CAMTA1: variants seen among roughly 807,000 people sequenced by gnomAD.
CAMTA1 encodes the protein calmodulin binding transcription activator 1.
A neutral mutation model predicts 170.9 loss-of-function variants in CAMTA1; 27 were observed. The observed-to-expected ratio is 0.16, with a 90% CI of 0.12 to 0.22. The LOEUF is 0.22. Ranked by LOEUF, CAMTA1 falls within the 10% of genes least tolerant of loss-of-function variation. The pLI, the probability that CAMTA1 is intolerant of heterozygous loss-of-function variation, is 1.00. For synonymous variants in CAMTA1, 833 were observed against 891.5 expected, an observed-to-expected ratio of 0.93 and a Z score of 1.17; for missense variants, 1,619 against 2,217.2, an observed-to-expected ratio of 0.73 and a Z score of 5.42.
intron 16 of CAMTA1, among the ~76,000 whole-genome samples, chr1:7,743,837 T>C (rs971919714): frequency 3.3e-5 from 5 of 151,578 alleles, no homozygotes; most frequent in Non-Finnish European, 5.9e-5. Flanking sequence ...CTTTTCTTTT[T>C]TTTTTCTGAG....
chr1:7,128,641 G>A (rs1249961163), intron 4 of CAMTA1, among the ~76,000 whole-genome samples: 1 of 151,796 alleles, frequency 6.6e-6, no homozygotes, highest in Non-Finnish European at 1.5e-5. Flanking sequence ...GCCCTACAAA[G>A]TAGAAAGGAT....
Position 6,852,362 on chromosome 1 carries a change from A to G in CAMTA1, c.234+27152A>G, listed in dbSNP as rs140427008. On this transcript the variant is annotated intron_variant, in intron 3 of 22. Coordinates refer to ENST00000303635, the MANE Select transcript of CAMTA1 (RefSeq NM_015215.4). ...CTCCAGTTCTCTGTGGACTCCGGGT[A>G]TTCTGCAATTTAACTCAATTTGGAT... 6.6e-3 allele frequency among the ~76,000 whole-genome samples: 1,001 copies of G among 152,300 alleles called. 6 individuals carry two copies. The highest frequency in any genetic ancestry group is 0.01 in the Non-Finnish European group (685 of 68,024).
intron 6 of CAMTA1, among the ~76,000 whole-genome samples, chr1:7,639,364 C>T (rs538854164): frequency 3.3e-5 from 5 of 152,282 alleles, no homozygotes; most frequent in Admixed American, 6.5e-5. Flanking sequence ...TGGGAAACTC[C>T]GCCCCAGAAA....
At chr1:7,276,652 A>G (rs1670775740) in intron 5 of CAMTA1, among the ~76,000 whole-genome samples, 1 of 151,992 alleles carries the variant, frequency 6.6e-6, no homozygotes, top group Non-Finnish European at 1.5e-5. Flanking sequence ...TCCTTCTAAG[A>G]CTGGGAAATC....
At chr1:7,349,190 G>A (rs1400213211) in intron 5 of CAMTA1, among the ~76,000 whole-genome samples, 1 of 152,174 alleles carries the variant, frequency 6.6e-6, no homozygotes, top group East Asian at 1.9e-4. Flanking sequence ...ATTAGATGAA[G>A]CATCATTTCA....
rs538074829 is a variant in CAMTA1, at chr1:7,585,747, G to C, written c.511-54653G>C. Among the ~76,000 whole-genome samples, 1 of 150,914 alleles carries C rather than the reference G, an allele frequency of 6.6e-6. No homozygotes were observed. Among genetic ancestry groups the C allele is most frequent in the South Asian group, 2.1e-4 (1 of 4,820 alleles). ...GGTGCCCAGTTCATACATCCTAGAGGGGGGCTCTCTTGTGGACAGACAGGC... is the reference window on the plus strand; with the variant it reads ...GGTGCCCAGTTCATACATCCTAGAGCGGGGCTCTCTTGTGGACAGACAGGC... On this transcript the variant is annotated intron_variant, in intron 6 of 22. Transcript: ENST00000303635. The surrounding 1 kb of genome is among the most constrained non-coding windows in gnomAD (Gnocchi z 4.8).
intron 6 of CAMTA1, among the ~76,000 whole-genome samples, chr1:7,507,141 C>T (rs2094129708): frequency 6.7e-6 from 1 of 148,714 alleles, no homozygotes; most frequent in Non-Finnish European, 1.5e-5. Context: ...CACACACTCA[C>T]ACTCACTCCC....
intron 3 of CAMTA1, among the ~76,000 whole-genome samples, chr1:7,070,273 T>C (rs1210475441): frequency 2.0e-5 from 3 of 152,204 alleles, no homozygotes; most frequent in African/African-American, 7.2e-5. Flanking sequence ...GAGGCGTGGA[T>C]ATTGTACTGC....
At chr1:6,795,081 G>C (rs573401616) in intron 1 of CAMTA1, among the ~76,000 whole-genome samples, 1 of 152,112 alleles carries the variant, frequency 6.6e-6, no homozygotes, top group Non-Finnish European at 1.5e-5. Context: ...AAGTTATGCC[G>C]TGTGGTGGGA....
intron 6 of CAMTA1, among the ~76,000 whole-genome samples, chr1:7,493,281 A>ATG (rs543672668): frequency 0.029 from 1,190 of 40,658 alleles, 31 homozygotes; most frequent in African/African-American, 0.16. Context: ...ACAAACATAC[A>ATG]CGCGCACAAA....
In CAMTA1 at chr1:6,903,895, T is replaced by G. The variant is rs185523979; in HGVS notation, c.234+78685T>G. 3.8e-4 allele frequency among the ~76,000 whole-genome samples: 58 copies of G among 152,342 alleles called. 3 individuals carry two copies. The East Asian group carries it at 0.01, about 26-fold the overall frequency. ...TCCTGTGGACATCGCAGACCTTCTT[T>G]TTATCTGTACTCTCCATGGGCAGTG... On this transcript the variant is annotated intron_variant, in intron 3 of 22. Transcript: ENST00000303635.
At chr1:7,013,855 C>T (rs1221112064) in intron 3 of CAMTA1, among the ~76,000 whole-genome samples, 2 of 152,192 alleles carry the variant, frequency 1.3e-5, no homozygotes, top group Non-Finnish European at 2.9e-5. Flanking sequence ...CAAACTATCC[C>T]ATAATGCTCG....
intron 3 of CAMTA1, among the ~76,000 whole-genome samples, chr1:7,013,512 C>T (rs1335645482): frequency 6.6e-6 from 1 of 152,114 alleles, no homozygotes; most frequent in Non-Finnish European, 1.5e-5. Context: ...CACACCTGGC[C>T]CCTTTGTCCT....
intron 4 of CAMTA1, among the ~76,000 whole-genome samples, chr1:7,200,719 G>A (rs150470993): frequency 9.2e-5 from 14 of 152,222 alleles, no homozygotes; most frequent in Admixed American, 2.6e-4. Flanking sequence ...GGAGATTTGC[G>A]CATTGCTGGT....
At chr1:7,127,665 C>T (rs1645013642) in intron 4 of CAMTA1, among the ~76,000 whole-genome samples, 1 of 152,154 alleles carries the variant, frequency 6.6e-6, no homozygotes, top group South Asian at 2.1e-4. Context: ...CCATAGGAAG[C>T]TTAGAATGTA....
Position 7,183,576 on chromosome 1 carries a change from T to A in CAMTA1, c.303-65915T>A, listed in dbSNP as rs146929793. ...GAACAACCTGAATGTCCAAACACAG[T>A]GGGGTGGTTGAATAAGTGCTGGTGC... On this transcript the variant is annotated intron_variant, in intron 4 of 22. Transcript: ENST00000303635. Among the ~76,000 whole-genome samples, 132 of 152,070 alleles carry A rather than the reference T, an allele frequency of 8.7e-4. 2 individuals carry two copies. The highest frequency in any genetic ancestry group is 2.9e-4 in the Non-Finnish European group (20 of 67,986).
At chr1:6,885,221 A>G (rs1173261763) in intron 3 of CAMTA1, among the ~76,000 whole-genome samples, 1 of 152,214 alleles carries the variant, frequency 6.6e-6, no homozygotes, top group Non-Finnish European at 1.5e-5. Flanking sequence ...CTATTTTATG[A>G]TACCTCTTGT....
rs988888790 is a variant in CAMTA1, at chr1:7,682,600, G to A, written c.2914+4867G>A. On this transcript the variant is annotated intron_variant, in intron 11 of 22. Transcript: ENST00000303635. The surrounding 1 kb of genome is among the most constrained non-coding windows in gnomAD (Gnocchi z 5.0). ...TCCTTGTGGGCTGATTCTAGTACCA[G>A]CCTCCACCCACCAGAGCTGGGAGAT... 6.6e-6 allele frequency among the ~76,000 whole-genome samples: 1 copy of A among 152,204 alleles called. No homozygotes were observed. The highest frequency in any genetic ancestry group is 1.5e-5 in the Non-Finnish European group (1 of 68,048).
intron 3 of CAMTA1, among the ~76,000 whole-genome samples, chr1:6,963,329 C>T: frequency 7.6e-6 from 1 of 131,186 alleles, no homozygotes; most frequent in East Asian, 2.5e-4. Flanking sequence ...CCCCGCCCTC[C>T]ATCCCTTTTG....
Sources: allele counts gnomAD v4.1 joint callset (sites outside exome capture counted in the v4.1 genomes callset), GRCh38; gene constraint gnomAD v4.1.1; non-coding constraint Gnocchi (gnomAD v3.1); transcripts MANE v1.5; gene names NCBI Gene and HGNC (gene_info 2026-07-23, HGNC 2026-07-21).